The following GARRE1 variants were observed in gnomAD, a reference collection of about 807,000 sequenced individuals.
The protein encoded by GARRE1 is granule associated Rac and RHOG effector 1.
A neutral mutation model predicts 103.2 loss-of-function variants in GARRE1; 49 were observed. That is an observed-to-expected ratio of 0.47 (90% confidence interval 0.38 to 0.60). GARRE1 has a LOEUF of 0.60. Among genes scored for constraint, GARRE1 ranks in the 20% least tolerant of loss-of-function variants. The pLI, the probability that GARRE1 is intolerant of heterozygous loss-of-function variation, is 0.00. For missense variants in GARRE1, 1,199 were observed against 1,370.5 expected (o/e 0.87, Z 1.98); for synonymous variants, 505 against 532.8 (o/e 0.95, Z 0.72).
intron 2 of GARRE1, among the ~76,000 whole-genome samples, chr19:34,313,889 C>T (rs1281172637): frequency 2.0e-5 from 3 of 152,148 alleles, no homozygotes; most frequent in Non-Finnish European, 4.4e-5. Flanking sequence ...CAACCTCTGC[C>T]TCCCAGGTTC....
At chr19:34,261,817 C>T (rs904537100) in intron 1 of GARRE1, among the ~76,000 whole-genome samples, 3 of 152,170 alleles carry the variant, frequency 2.0e-5, no homozygotes, top group Admixed American at 6.6e-5. Context: ...TAACTGGGCA[C>T]TAACAGCACT....
chr19:34,271,517 G>A (rs2073787846), intron 1 of GARRE1, among the ~76,000 whole-genome samples: 1 of 151,944 alleles, frequency 6.6e-6, no homozygotes, highest in African/African-American at 2.4e-5. Context: ...CAGAGTGCTG[G>A]GATTACAGGT....
At chr19:34,258,404 TC>T (rs2073688882) in intron 1 of GARRE1, among the ~76,000 whole-genome samples, 1 of 152,112 alleles carries the variant, frequency 6.6e-6, no homozygotes, top group African/African-American at 2.4e-5. Flanking sequence ...GACCCCCGAC[TC>T]AGAGTTTTCT....
chr19:34,348,239 G>A (rs1196419350), intron 11 of GARRE1, 197 bp downstream of exon 11: 2 of 419,682 alleles, frequency 4.8e-6, no homozygotes, highest in Non-Finnish European at 8.3e-6. Context: ...CAAGTAGTGT[G>A]ATGTATCCCT....
At chr19:34,257,884 CTTTTTTTTCT>C (rs1568518905) in intron 1 of GARRE1, among the ~76,000 whole-genome samples, 12 of 121,862 alleles carry the variant, frequency 9.8e-5, no homozygotes, top group African/African-American at 1.9e-4. Flanking sequence ...TTTTCTTTTT[CTTTTTTTTCT>C]TTTTTTTTTT....
At chr19:34,283,098 C>T (rs974481134) in intron 1 of GARRE1, among the ~76,000 whole-genome samples, 1 of 152,174 alleles carries the variant, frequency 6.6e-6, no homozygotes, top group African/African-American at 2.4e-5. Flanking sequence ...AAATGAAACT[C>T]CTTTTGTCAT....
chr19:34,342,442 T>A lies in GARRE1; in HGVS notation c.2508T>A (p.Pro836=). 6.2e-7 allele frequency: 1 copy of A among 1,611,558 alleles called. No individual in the cohort carries two copies. Among genetic ancestry groups the A allele is most frequent in the Non-Finnish European group, 8.5e-7 (1 of 1,178,350 alleles). The change falls in exon 10 of 14, where the codon CCT becomes CCA. Residue 836 remains proline (P), a synonymous_variant. Coordinates refer to ENST00000299505, the MANE Select transcript of GARRE1 (RefSeq NM_014686.5). ...TTGGAATGCTGGGAGAGATTCTGCC[T>A]TTTGATCCTGCAGGTATGTGAGGCC... ...GVFGMLGEIL[P]FDPAVGSDPE...
intron 2 of GARRE1, among the ~76,000 whole-genome samples, chr19:34,305,331 T>C (rs2074002804): frequency 6.6e-6 from 1 of 152,136 alleles, no homozygotes; most frequent in South Asian, 2.1e-4. Flanking sequence ...CATCCACCAT[T>C]GTGCCTGGTC....
intron 1 of GARRE1, among the ~76,000 whole-genome samples, chr19:34,299,168 C>G (rs1323598435): frequency 6.6e-6 from 1 of 152,184 alleles, no homozygotes; most frequent in Non-Finnish European, 1.5e-5. Context: ...TCCCACCTGT[C>G]CCTTTTGCAC....
At chr19:34,296,266 A>C in intron 1 of GARRE1, 1 of 667,518 alleles carries the variant, frequency 1.5e-6, no homozygotes, top group Middle Eastern at 4.3e-4. Context: ...ACATTTGTAG[A>C]CAGAGATATC....
intron 2 of GARRE1, among the ~76,000 whole-genome samples, chr19:34,303,555 T>C (rs575443022): frequency 6.6e-6 from 1 of 152,380 alleles, no homozygotes; most frequent in African/African-American, 2.4e-5. Context: ...GCTTTTTCTA[T>C]GAAGGGCAGA....
At chr19:34,288,029 A>G (rs1000677919) in intron 1 of GARRE1, among the ~76,000 whole-genome samples, 1 of 152,128 alleles carries the variant, frequency 6.6e-6, no homozygotes, top group African/African-American at 2.4e-5. Flanking sequence ...AGTGGGTAGT[A>G]TGATTGCAAA....
At chr19:34,264,419 G>A (rs2073738818) in intron 1 of GARRE1, among the ~76,000 whole-genome samples, 1 of 151,706 alleles carries the variant, frequency 6.6e-6, no homozygotes, top group Non-Finnish European at 1.5e-5. Context: ...TGGAGGGGGG[G>A]ACGGAGTCTT....
chr19:34,262,337 C>T (rs1018359858), intron 1 of GARRE1, among the ~76,000 whole-genome samples: 2 of 127,714 alleles, frequency 1.6e-5, no homozygotes, highest in Admixed American at 1.0e-4. Flanking sequence ...TCTCTCTCAC[C>T]CAGGCTGGAA....
intron 1 of GARRE1, among the ~76,000 whole-genome samples, chr19:34,277,291 G>C (rs970795645): frequency 6.6e-6 from 1 of 152,104 alleles, no homozygotes; most frequent in Admixed American, 6.6e-5. Context: ...TTCATAAACT[G>C]CATGCAGAAG....
chr19:34,255,673 CTTT>C (rs11307030), intron 1 of GARRE1, among the ~76,000 whole-genome samples: 8 of 143,584 alleles, frequency 5.6e-5, no homozygotes, highest in Non-Finnish European at 7.6e-5. Flanking sequence ...TTGATATGGT[CTTT>C]TTTTTTTTTT....
At position 34,300,623 on chromosome 19, in the gene GARRE1, C is replaced by T. The variant is rs764950563; in HGVS notation, c.150C>T (p.Thr50=). 1.2e-6 allele frequency: 2 copies of T among 1,613,658 alleles called. No homozygotes were observed. The highest frequency in any genetic ancestry group is 1.7e-6 in the Non-Finnish European group (2 of 1,180,044). ...ALSAPLASTA[T]TAPLGSLTAA... is the part of the protein sequence containing the mutation. ...GTGCTCCCCTGGCATCCACGGCCACCACTGCCCCCCTGGGCAGTCTGACCG... is the reference window on the plus strand; with the variant it reads ...GTGCTCCCCTGGCATCCACGGCCACTACTGCCCCCCTGGGCAGTCTGACCG... Residue 50 remains threonine, a synonymous_variant, in exon 2 of 14, where the codon ACC becomes ACT. Coordinates refer to ENST00000299505, the MANE Select transcript of GARRE1 (RefSeq NM_014686.5).
intron 1 of GARRE1, among the ~76,000 whole-genome samples, chr19:34,259,958 A>G (rs1236908515): frequency 6.6e-6 from 1 of 152,202 alleles, no homozygotes; most frequent in East Asian, 1.9e-4. Context: ...GTGAAGAAGG[A>G]CGTGTTTGCT....
At chr19:34,346,106 C>T (rs1055820836) in intron 10 of GARRE1, among the ~76,000 whole-genome samples, 11 of 152,142 alleles carry the variant, frequency 7.2e-5, no homozygotes, top group Non-Finnish European at 1.3e-4. Context: ...GGATGGGGAA[C>T]GGGAGACAGG....
Sources: allele counts gnomAD v4.1 joint callset (sites outside exome capture counted in the v4.1 genomes callset), GRCh38; gene constraint gnomAD v4.1.1; transcripts MANE v1.5; gene names NCBI Gene and HGNC (gene_info 2026-07-23, HGNC 2026-07-21).